NAALADL2: variants seen among roughly 807,000 people sequenced by gnomAD.
NAALADL2 encodes N-acetylated alpha-linked acidic dipeptidase like 2.
Under a neutral mutation model 87.2 loss-of-function variants are expected in NAALADL2, and 76 were observed. The observed-to-expected ratio is 0.87, with a 90% CI of 0.72 to 1.05. The LOEUF is 1.05. Among genes scored for constraint, NAALADL2 ranks in the 50% least tolerant of loss-of-function variants. The pLI is 0.00. For missense variants in NAALADL2, 1,089 were observed against 945.8 expected (o/e 1.15, Z -1.99); for synonymous variants, 354 against 331.0 (o/e 1.07, Z -0.75).
intron 11 of NAALADL2, among the ~76,000 whole-genome samples, chr3:175,705,935 G>T (rs942927668): frequency 3.3e-5 from 5 of 152,136 alleles, no homozygotes; most frequent in Non-Finnish European, 7.4e-5. Context: ...ATGTCTCTAA[G>T]AAAGGACATA....
intron 1 of NAALADL2, among the ~76,000 whole-genome samples, chr3:174,507,397 A>G (rs1328786701): frequency 1.3e-5 from 2 of 152,164 alleles, no homozygotes; most frequent in African/African-American, 4.8e-5. Flanking sequence ...TGAAATACCT[A>G]TGAGTTTTTC....
chr3:175,408,370 A>G (rs918265557), intron 5 of NAALADL2, among the ~76,000 whole-genome samples: 2 of 152,112 alleles, frequency 1.3e-5, no homozygotes, highest in Non-Finnish European at 2.9e-5. Context: ...AAATCAAAAC[A>G]TTATTTTGTA....
chr3:175,624,280 T>C (rs563361648), intron 10 of NAALADL2, among the ~76,000 whole-genome samples: 1 of 152,052 alleles, frequency 6.6e-6, no homozygotes, highest in Non-Finnish European at 1.5e-5. Context: ...AACCAAACTT[T>C]CCAGAGTTCC....
Position 175,043,105 on chromosome 3 carries a change from A to T in NAALADL2, c.44-53685A>T, listed in dbSNP as rs1287873842. Among the ~76,000 whole-genome samples, 3 of 152,200 alleles carry T rather than the reference A, an allele frequency of 2.0e-5. No homozygotes were observed. In the East Asian group the frequency reaches 5.8e-4, roughly 29 times the overall value. On this transcript the variant is annotated intron_variant, in intron 1 of 13. Transcript: ENST00000454872. ...TTCCAACCATCAGAATCAGAAGGCC[A>T]ATAAAACTTTTTTATTCTTTGTAAA...
At chr3:175,756,602 T>C (rs1747291186) in intron 13 of NAALADL2, among the ~76,000 whole-genome samples, 1 of 152,088 alleles carries the variant, frequency 6.6e-6, no homozygotes, top group Admixed American at 6.6e-5. Flanking sequence ...TGTGCTCACA[T>C]ATAAGTTGGA....
At chr3:174,699,813 A>C (rs1729380427) in intron 2 of NAALADL2, among the ~76,000 whole-genome samples, 1 of 143,538 alleles carries the variant, frequency 7.0e-6, no homozygotes, top group Non-Finnish European at 1.5e-5. Context: ...TCTGTGGAAC[A>C]TTTAAGGCCC....
chr3:175,277,431 G>T (rs1753744112), intron 4 of NAALADL2, among the ~76,000 whole-genome samples: 1 of 152,078 alleles, frequency 6.6e-6, no homozygotes, highest in African/African-American at 2.4e-5. Context: ...AAGCTGTAAG[G>T]TAATGGTAAT....
intron 1 of NAALADL2, among the ~76,000 whole-genome samples, chr3:174,517,710 T>C (rs1720016607): frequency 1.3e-5 from 2 of 152,106 alleles, no homozygotes; most frequent in Non-Finnish European, 2.9e-5. Context: ...CCAAGTTAAA[T>C]AAAGACCTGT....
chr3:175,674,458 G>T (rs963623859), intron 11 of NAALADL2, among the ~76,000 whole-genome samples: 3 of 151,928 alleles, frequency 2.0e-5, no homozygotes, highest in South Asian at 2.1e-4. Context: ...TAGAGAAGGG[G>T]TTTCACCATG....
chr3:174,956,708 G>T (rs1476402917), intron 1 of NAALADL2, among the ~76,000 whole-genome samples: 1 of 152,044 alleles, frequency 6.6e-6, no homozygotes, highest in Non-Finnish European at 1.5e-5. Flanking sequence ...TTCTGGAGAA[G>T]GGTGGAATGG....
intron 1 of NAALADL2, among the ~76,000 whole-genome samples, chr3:175,066,207 G>A (rs1286913190): frequency 2.0e-5 from 3 of 152,080 alleles, no homozygotes; most frequent in African/African-American, 4.8e-5. Flanking sequence ...GGAAAGACAC[G>A]AGTTATAGTA....
intron 5 of NAALADL2, among the ~76,000 whole-genome samples, chr3:175,361,660 G>A (rs1272669042): frequency 3.4e-5 from 5 of 148,426 alleles, no homozygotes; most frequent in Non-Finnish European, 6.0e-5. Flanking sequence ...TTGCATAAAT[G>A]TCTTCTTTTG....
chr3:175,288,143 G>A (rs538754517), intron 4 of NAALADL2, among the ~76,000 whole-genome samples: 23 of 152,090 alleles, frequency 1.5e-4, no homozygotes, highest in African/African-American at 2.9e-4. Context: ...GTGTAATGGC[G>A]CAATCTCAGC....
rs1553872126 is a variant in NAALADL2 at position 175,354,881 on chromosome 3, T to TATACACAC, written c.1090+30557_1090+30558insTACACACA. Reference sequence around the variant, plus strand: ...CTATACATACATACATACATATATATACACACACACACACACACACACATA... The same window carrying TATACACAC: ...CTATACATACATACATACATATATATATACACACACACACACACACACACACACACATA... On this transcript the variant is annotated intron_variant, in intron 5 of 13. Transcript: ENST00000454872. 1.5e-3 allele frequency among the ~76,000 whole-genome samples: 220 copies of TATACACAC among 146,934 alleles called. 2 individuals carry two copies. Among genetic ancestry groups the TATACACAC allele is most frequent in the African/African-American group, 5.1e-3 (205 of 40,100 alleles).
At chr3:174,604,412 G>A (rs1718769705) in intron 2 of NAALADL2, among the ~76,000 whole-genome samples, 1 of 151,948 alleles carries the variant, frequency 6.6e-6, no homozygotes, top group East Asian at 1.9e-4. Context: ...CATTGGAATG[G>A]AATATCTTTT....
intron 5 of NAALADL2, among the ~76,000 whole-genome samples, chr3:175,363,339 CTTTG>C (rs1282144318): frequency 6.8e-6 from 1 of 147,034 alleles, no homozygotes; most frequent in Non-Finnish European, 1.5e-5. Context: ...CATTTGTTTG[CTTTG>C]TTTATTTCGT....
chr3:175,514,099 C>T (rs745568542), intron 9 of NAALADL2, among the ~76,000 whole-genome samples: 1 of 152,276 alleles, frequency 6.6e-6, no homozygotes, highest in Middle Eastern at 3.4e-3. Flanking sequence ...AGATGGGTAA[C>T]TTTGGGTTGT....
chr3:175,232,237 G>A (rs75060289), intron 2 of NAALADL2, among the ~76,000 whole-genome samples: 32 of 149,456 alleles, frequency 2.1e-4, no homozygotes, highest in African/African-American at 3.0e-4. Context: ...AGAGGAAGAG[G>A]AAGAAGAAAG....
chr3:174,873,520 T>G (rs1255046076), intron 1 of NAALADL2, among the ~76,000 whole-genome samples: 1 of 152,116 alleles, frequency 6.6e-6, no homozygotes, highest in Non-Finnish European at 1.5e-5. Flanking sequence ...CCCAAAGTCC[T>G]GGGATTACAG....
Sources: allele counts gnomAD v4.1 joint callset (sites outside exome capture counted in the v4.1 genomes callset), GRCh38; gene constraint gnomAD v4.1.1; transcripts MANE v1.5; gene names NCBI Gene and HGNC (gene_info 2026-07-23, HGNC 2026-07-21).